The following ADGRL2 variants were observed in gnomAD, a reference collection of about 807,000 sequenced individuals.
ADGRL2 encodes calcium-independent alpha-latrotoxin receptor 2.
In ADGRL2, 44 loss-of-function variants were observed where a neutral mutation model predicts 157.4. That is an observed-to-expected ratio of 0.28 (90% CI 0.22 to 0.36). The LOEUF (loss-of-function observed/expected upper bound fraction) is 0.36, where lower values mean the gene tolerates loss of function less well. Among genes scored for constraint, ADGRL2 ranks in the 10% least tolerant of loss-of-function variants. The pLI, the probability that ADGRL2 is intolerant of heterozygous loss-of-function variation, is 1.00. For missense variants in ADGRL2, 1,510 were observed against 1,768.9 expected (o/e 0.85, Z 2.63); for synonymous variants, 585 against 624.7 (o/e 0.94, Z 0.95).
At chr1:81,455,349 T>A (rs2077782437) in intron 2 of ADGRL2, among the ~76,000 whole-genome samples, 1 of 152,192 alleles carries the variant, frequency 6.6e-6, no homozygotes, top group Non-Finnish European at 1.5e-5. Context: ...GGATGTAGGC[T>A]TTGGAACTGG....
chr1:81,814,327 CTATTATGAATAGTATA>C (rs139062362), intron 1 of ADGRL2, among the ~76,000 whole-genome samples: 3,986 of 151,322 alleles, frequency 0.026, 75 homozygotes, highest in East Asian at 0.056. Flanking sequence ...AAATAATAAG[CTATTATGAATAGTATA>C]TATTATGAAG....
At chr1:81,523,155 T>C (rs1446637057) in intron 2 of ADGRL2, among the ~76,000 whole-genome samples, 1 of 152,174 alleles carries the variant, frequency 6.6e-6, no homozygotes, top group South Asian at 2.1e-4. Flanking sequence ...CCATACAATG[T>C]TCTTGGATGA....
At chr1:81,632,032 T>G (rs1262824385) in intron 3 of ADGRL2, among the ~76,000 whole-genome samples, 1 of 152,350 alleles carries the variant, frequency 6.6e-6, no homozygotes, top group Non-Finnish European at 1.5e-5. Flanking sequence ...TAAGAAATAT[T>G]TGATAGCATA....
intron 3 of ADGRL2, among the ~76,000 whole-genome samples, chr1:81,617,707 C>A (rs1489716022): frequency 6.6e-6 from 1 of 152,210 alleles, no homozygotes; most frequent in Non-Finnish European, 1.5e-5. Context: ...AGGAAGACAG[C>A]GGAGCTTGGA....
intron 14 of ADGRL2, 114 bp from the exon 15 acceptor site, chr1:81,969,064 A>G (rs898298669): frequency 2.7e-6 from 2 of 742,386 alleles, no homozygotes; most frequent in Non-Finnish European, 4.6e-6. Context: ...ACATATGAAT[A>G]GTATTCTTCA....
intron 3 of ADGRL2, among the ~76,000 whole-genome samples, chr1:81,690,572 A>G (rs371018454): frequency 3.7e-4 from 57 of 152,338 alleles, no homozygotes; most frequent in African/African-American, 1.4e-3. Flanking sequence ...AGAGGATGAA[A>G]TGAGGTTGAA....
chr1:81,902,414 A>G (rs975478300), intron 2 of ADGRL2, among the ~76,000 whole-genome samples: 1 of 152,192 alleles, frequency 6.6e-6, no homozygotes, highest in Admixed American at 6.5e-5. Context: ...CCTGGCCAAC[A>G]TGGCGAAACC....
chr1:81,337,942 A>G (rs755698263), intron 1 of ADGRL2, among the ~76,000 whole-genome samples: 13 of 152,196 alleles, frequency 8.5e-5, no homozygotes, highest in Non-Finnish European at 1.9e-4. Context: ...GAAAAATATT[A>G]CACTCAAATT....
chr1:81,966,238 T>C, intron 12 of ADGRL2, 55 bp downstream of exon 12: 1 of 1,608,044 alleles, frequency 6.2e-7, no homozygotes. Flanking sequence ...CAAAAACCTA[T>C]TAATTCTAAA....
chr1:81,423,287 T>C (rs1242807031), intron 1 of ADGRL2, among the ~76,000 whole-genome samples: 4 of 152,230 alleles, frequency 2.6e-5, no homozygotes, highest in Admixed American at 6.5e-5. Flanking sequence ...ACTGTACTCA[T>C]ATTCAGGTCA....
At chr1:81,325,220 C>A (rs775485781) in intron 1 of ADGRL2, among the ~76,000 whole-genome samples, 1 of 152,118 alleles carries the variant, frequency 6.6e-6, no homozygotes, top group Middle Eastern at 3.2e-3. Flanking sequence ...ACCCAGTCCA[C>A]GAAAGAACTG....
At chr1:81,904,016 T>C (rs1374155358) in intron 2 of ADGRL2, among the ~76,000 whole-genome samples, 2 of 152,002 alleles carry the variant, frequency 1.3e-5, no homozygotes, top group Non-Finnish European at 2.9e-5. Context: ...TTGCCTTGTT[T>C]TTAATGTTCA....
At chr1:81,456,755 G>A (rs1464066114) in intron 2 of ADGRL2, among the ~76,000 whole-genome samples, 1 of 151,814 alleles carries the variant, frequency 6.6e-6, no homozygotes, top group Non-Finnish European at 1.5e-5. Context: ...TTGTGTAACT[G>A]CCTTTTGAAC....
chr1:81,581,947 A>G (rs1025711147), intron 3 of ADGRL2, among the ~76,000 whole-genome samples: 3 of 151,886 alleles, frequency 2.0e-5, no homozygotes, highest in Non-Finnish European at 2.9e-5. Flanking sequence ...CAGGACAGGC[A>G]TGGTGGCTCA....
chr1:81,416,721 C>G (rs1403815574), intron 1 of ADGRL2, among the ~76,000 whole-genome samples: 1 of 152,178 alleles, frequency 6.6e-6, no homozygotes, highest in Non-Finnish European at 1.5e-5. Context: ...AGAAAATACT[C>G]AACTTCTCTT....
chr1:81,978,288 A>G (rs1660740938), intron 17 of ADGRL2, among the ~76,000 whole-genome samples: 2 of 151,774 alleles, frequency 1.3e-5, no homozygotes, highest in African/African-American at 4.8e-5. Flanking sequence ...AATGAAATGT[A>G]TCATATTGTA....
chr1:81,862,522 C>G (rs1557796346), intron 2 of ADGRL2, among the ~76,000 whole-genome samples: 1 of 152,012 alleles, frequency 6.6e-6, no homozygotes, highest in Non-Finnish European at 1.5e-5. Flanking sequence ...CTTACATAGC[C>G]TTGTTATATC....
chr1:81,842,762 G>C (rs534983824), intron 2 of ADGRL2, among the ~76,000 whole-genome samples: 124 of 152,170 alleles, frequency 8.1e-4, no homozygotes, highest in Non-Finnish European at 1.3e-3. Flanking sequence ...CTGTTTAGTA[G>C]AGCTCTTAAA....
chr1:81,544,094 C>A lies in ADGRL2; in HGVS notation c.-247-36782C>A, dbSNP rs76952930. On this transcript the variant is annotated intron_variant, in intron 2 of 24. Coordinates refer to the ADGRL2 transcript ENST00000370721. ...ACCTCTACCCGAACCCATCTGGCAA[C>A]CCTGATTCCCTTTATCCCACTTTTC... is the stretch of plus-strand genomic sequence containing the variant. Among the ~76,000 whole-genome samples the A allele has an allele frequency of 8.0e-3, 1,223 of 152,260 alleles. 19 individuals carry two copies. Among genetic ancestry groups the A allele is most frequent in the African/African-American group, 0.028 (1,180 of 41,530 alleles).
Sources: allele counts gnomAD v4.1 joint callset (sites outside exome capture counted in the v4.1 genomes callset), GRCh38; gene constraint gnomAD v4.1.1; transcripts MANE v1.5; gene names NCBI Gene and HGNC (gene_info 2026-07-23, HGNC 2026-07-21).